The following SNX9 variants were observed in gnomAD, a reference collection of about 807,000 sequenced individuals.
SNX9 encodes the protein sorting nexin-9.
In SNX9, 44 loss-of-function variants were observed where a neutral mutation model predicts 89.4. That is an observed-to-expected ratio of 0.49 (90% CI 0.39 to 0.63). SNX9 has a LOEUF of 0.63. SNX9 is among the 30% of genes least tolerant of loss of function. The pLI is 0.00. For synonymous variants in SNX9, 236 were observed against 247.8 expected (o/e 0.95, Z 0.45); for missense variants, 578 against 736.1 (o/e 0.79, Z 2.49).
intron 6 of SNX9, among the ~76,000 whole-genome samples, chr6:157,903,450 C>A (rs1783148361): frequency 6.6e-6 from 1 of 152,174 alleles, no homozygotes; most frequent in Non-Finnish European, 1.5e-5. Context: ...CAATTGCATG[C>A]ATAATAAAGT....
intron 2 of SNX9, 99 bp downstream of exon 2, chr6:157,867,732 G>C (rs958329744): frequency 3.2e-6 from 3 of 947,520 alleles, no homozygotes; most frequent in Middle Eastern, 2.3e-4. Context: ...TGTCCCATGT[G>C]GACTTATTTT....
chr6:157,915,124 C>G (rs1338609995), intron 9 of SNX9, among the ~76,000 whole-genome samples: 6 of 152,092 alleles, frequency 3.9e-5, no homozygotes, highest in Admixed American at 1.3e-4. Flanking sequence ...TGGTTTATTT[C>G]TGGATTCTAT....
intron 4 of SNX9, among the ~76,000 whole-genome samples, chr6:157,891,348 GT>G (rs1416859881): frequency 1.3e-5 from 2 of 151,884 alleles, no homozygotes; most frequent in Non-Finnish European, 2.9e-5. Context: ...TTTTTCTGTA[GT>G]CACATGCTGA....
At chr6:157,916,074 G>A (rs528375595) in intron 9 of SNX9, among the ~76,000 whole-genome samples, 42 of 149,974 alleles carry the variant, frequency 2.8e-4, no homozygotes, top group Middle Eastern at 3.4e-3. Context: ...TCGCTCTGTC[G>A]CCCAGGCTGG....
intron 7 of SNX9, among the ~76,000 whole-genome samples, chr6:157,906,635 G>GT (rs1441892913): frequency 3.3e-5 from 5 of 152,138 alleles, no homozygotes; most frequent in Non-Finnish European, 7.4e-5. Flanking sequence ...TGGTAATAGT[G>GT]TTTTTTCCAG....
chr6:157,858,422 A>G (rs1463693908), intron 1 of SNX9, among the ~76,000 whole-genome samples: 2 of 151,818 alleles, frequency 1.3e-5, no homozygotes, highest in African/African-American at 2.4e-5. Context: ...GGGTCTGTCC[A>G]TGTTGGTCAG....
chr6:157,917,780 TAAC>T (rs1214074604), intron 9 of SNX9, among the ~76,000 whole-genome samples: 2 of 152,112 alleles, frequency 1.3e-5, no homozygotes, highest in African/African-American at 2.4e-5. Flanking sequence ...TTGAGAATAA[TAAC>T]AAGGAAAAAA....
At chr6:157,865,776 A>T (rs1782249644) in intron 1 of SNX9, among the ~76,000 whole-genome samples, 1 of 152,148 alleles carries the variant, frequency 6.6e-6, no homozygotes, top group East Asian at 1.9e-4. Flanking sequence ...CTTTATTCTC[A>T]TTAAAATAAT....
At chr6:157,853,514 T>C (rs561702315) in intron 1 of SNX9, among the ~76,000 whole-genome samples, 37 of 152,346 alleles carry the variant, frequency 2.4e-4, no homozygotes, top group African/African-American at 8.4e-4. Context: ...TTGACATTAC[T>C]TCTTCAGACA....
intron 1 of SNX9, among the ~76,000 whole-genome samples, chr6:157,866,080 A>G (rs937370740): frequency 2.6e-5 from 4 of 152,228 alleles, no homozygotes; most frequent in Non-Finnish European, 5.9e-5. Context: ...TATGTATTAT[A>G]TATTATAAAG....
intron 9 of SNX9, among the ~76,000 whole-genome samples, chr6:157,919,494 A>G (rs1783539807): frequency 6.6e-6 from 1 of 151,902 alleles, no homozygotes; most frequent in Admixed American, 6.6e-5. Context: ...GTTGAGCCTT[A>G]TCTGCAGTGA....
At chr6:157,833,094 G>T (rs1781506306) in intron 1 of SNX9, among the ~76,000 whole-genome samples, 1 of 152,144 alleles carries the variant, frequency 6.6e-6, no homozygotes, top group Non-Finnish European at 1.5e-5. Flanking sequence ...ATGAATTGGT[G>T]TATTTAAAAT....
chr6:157,869,931 GCT>G (rs1470806702), intron 2 of SNX9, among the ~76,000 whole-genome samples: 5 of 151,892 alleles, frequency 3.3e-5, no homozygotes, highest in African/African-American at 4.8e-5. Context: ...CACCTCTCAT[GCT>G]CTCATACACT....
At chr6:157,933,924 T>G (rs1052052659) in intron 13 of SNX9, among the ~76,000 whole-genome samples, 2 of 152,246 alleles carry the variant, frequency 1.3e-5, no homozygotes, top group African/African-American at 4.8e-5. Context: ...ACTCAGTGTA[T>G]GTTTTATGTT....
chr6:157,900,712 A>G (rs1216499848), intron 5 of SNX9, among the ~76,000 whole-genome samples: 2 of 152,250 alleles, frequency 1.3e-5, no homozygotes, highest in Admixed American at 6.5e-5. Context: ...CAGTATACAG[A>G]GATAAGAATT....
intron 1 of SNX9, among the ~76,000 whole-genome samples, chr6:157,826,047 A>T (rs1236742393): frequency 1.3e-5 from 2 of 152,188 alleles, no homozygotes; most frequent in Non-Finnish European, 2.9e-5. Flanking sequence ...TGGCTATAGT[A>T]TCTTCAGATA....
chr6:157,824,981 C>A (rs1390432335), intron 1 of SNX9, among the ~76,000 whole-genome samples: 3 of 152,170 alleles, frequency 2.0e-5, no homozygotes, highest in African/African-American at 7.2e-5. Flanking sequence ...CGGTGGCTCA[C>A]TCCCACCTGT....
intron 1 of SNX9, among the ~76,000 whole-genome samples, chr6:157,863,113 C>T (rs1374639425): frequency 6.6e-6 from 1 of 152,230 alleles, no homozygotes; most frequent in Admixed American, 6.5e-5. Flanking sequence ...AGAAGGAGCA[C>T]TGTCCCCAAC....
chr6:157,910,887 C>T (rs965253179), intron 9 of SNX9, among the ~76,000 whole-genome samples: 13 of 152,168 alleles, frequency 8.5e-5, no homozygotes, highest in East Asian at 5.8e-4. Context: ...TTTGGGAGGC[C>T]GAGGCGGGCG....
Sources: gnomAD v4.1 joint callset for allele counts (sites outside exome capture counted in the v4.1 genomes callset) on GRCh38, gnomAD v4.1.1 for gene constraint, MANE v1.5 for transcripts, NCBI Gene and HGNC (gene_info 2026-07-23, HGNC 2026-07-21) for gene names.